Variants in NUP35 observed in about 807,000 individuals in gnomAD.
NUP35 encodes nucleoporin 35.
A neutral mutation model predicts 41.5 loss-of-function variants in NUP35; 25 were observed. The ratio of observed to expected loss-of-function variants is 0.60; its 90% CI spans 0.44 to 0.84. The LOEUF is 0.84. Ranked by LOEUF, NUP35 falls within the 40% of genes least tolerant of loss-of-function variation. The probability of loss-of-function intolerance (pLI) is 0.00; values close to 1 mark genes in which losing one functional copy is unlikely to be tolerated. For missense variants in NUP35, 396 were observed against 396.6 expected (o/e 1.00, Z 0.01); for synonymous variants, 149 against 130.7 (o/e 1.14, Z -0.96).
At chr2:183,144,476 G>T (rs72894558) in intron 4 of NUP35, among the ~76,000 whole-genome samples, 2 of 152,150 alleles carry the variant, frequency 1.3e-5, no homozygotes, top group South Asian at 2.1e-4. Context: ...CATTTGGCTC[G>T]TATCTATTTA....
intron 4 of NUP35, among the ~76,000 whole-genome samples, chr2:183,150,168 G>A (rs1685415150): frequency 6.6e-6 from 1 of 152,178 alleles, no homozygotes; most frequent in African/African-American, 2.4e-5. Flanking sequence ...GCCTCCCAAA[G>A]TGTTGGGATG....
intron 4 of NUP35, among the ~76,000 whole-genome samples, chr2:183,143,100 G>T (rs1685157166): frequency 6.7e-6 from 1 of 150,170 alleles, no homozygotes; most frequent in East Asian, 2.0e-4. Context: ...AGCTTGCAGT[G>T]AGCTGAGATC....
At chr2:183,125,476 G>A (rs922495553) in intron 1 of NUP35, among the ~76,000 whole-genome samples, 1 of 152,148 alleles carries the variant, frequency 6.6e-6, no homozygotes, top group Non-Finnish European at 1.5e-5. Flanking sequence ...GCCATGTTTG[G>A]TGTAAAATAA....
chr2:183,121,831 A>AAAAT (rs112143085), upstream of NUP35, among the ~76,000 whole-genome samples: 17 of 151,752 alleles, frequency 1.1e-4, no homozygotes, highest in East Asian at 1.9e-4. Context: ...ACTACATCTC[A>AAAAT]AAATAAATAA....
chr2:183,123,853 A>G (rs1361147745), upstream of NUP35: 1 of 980,524 alleles, frequency 1.0e-6, no homozygotes, highest in East Asian at 1.1e-4. Flanking sequence ...TCCATTATTT[A>G]CATGTGTACT....
intron 1 of NUP35, among the ~76,000 whole-genome samples, chr2:183,126,516 ATCT>A (rs1684494963): frequency 6.6e-6 from 1 of 152,166 alleles, no homozygotes; most frequent in Non-Finnish European, 1.5e-5. Flanking sequence ...ATTTTAGTGG[ATCT>A]TCTTACGAAA....
intron 4 of NUP35, among the ~76,000 whole-genome samples, chr2:183,141,759 T>C (rs913548933): frequency 3.3e-5 from 5 of 152,230 alleles, no homozygotes; most frequent in African/African-American, 9.6e-5. Flanking sequence ...AAGCACATTT[T>C]TCTTTGTTTT....
intron 4 of NUP35, among the ~76,000 whole-genome samples, chr2:183,140,804 C>T (rs541297817): frequency 3.6e-4 from 45 of 125,848 alleles, no homozygotes; most frequent in East Asian, 1.3e-3. Flanking sequence ...GCCTGGGCAA[C>T]GAGAGCAAAA....
chr2:183,126,312 C>A (rs2254866), intron 1 of NUP35, among the ~76,000 whole-genome samples: 64,189 of 152,068 alleles, frequency 0.42, 15,814 homozygotes, highest in African/African-American at 0.68. Context: ...TAGAGGCTTG[C>A]GCCTTCTACT....
At chr2:183,121,262 C>G (rs963274035), upstream of NUP35, among the ~76,000 whole-genome samples, 2 of 151,282 alleles carry the variant, frequency 1.3e-5, no homozygotes, top group African/African-American at 4.9e-5. Context: ...TACACAGGAG[C>G]CAATCTGCAA....
intron 1 of NUP35, 51 bp downstream of exon 1, chr2:183,124,548 C>T (rs764799271): frequency 1.2e-6 from 2 of 1,609,814 alleles, no homozygotes; most frequent in African/African-American, 1.3e-5. Flanking sequence ...ATGCTCTGGG[C>T]CTGGAGGCGG....
rs934026552 is a variant in NUP35 at position 183,158,492 on chromosome 2, C to T, written c.738+81C>T. ...CAAGGATTGAAATTGGTCGTTGTGT[C>T]ACTTGGTTTCACTGTGTCTGTTTTT... On this transcript the variant is annotated intron_variant, in intron 7 of 8. Transcript: ENST00000295119. 6.6e-6 allele frequency: 8 copies of T among 1,211,802 alleles called. No homozygotes were observed. In the African/African-American group the frequency reaches 7.7e-5, roughly 12 times the overall value. 75.1% of individuals were successfully genotyped at this position (1,211,802 alleles called of 1,614,324 possible). A position where few individuals can be genotyped will look rare whatever the true frequency, so the allele number is the denominator to read the frequency against.
intron 5 of NUP35, among the ~76,000 whole-genome samples, chr2:183,156,007 C>G (rs531398363): frequency 6.6e-6 from 1 of 152,196 alleles, no homozygotes; most frequent in South Asian, 2.1e-4. Flanking sequence ...CTAAAGGATG[C>G]ATTATATATG....
chr2:183,133,682 C>A, intron 4 of NUP35, 59 bp downstream of exon 4: 1 of 1,240,654 alleles, frequency 8.1e-7, no homozygotes. Context: ...CTCTGCTACC[C>A]ACGCTGGAGT....
At chr2:183,129,080 A>G (rs1684603451) in intron 2 of NUP35, among the ~76,000 whole-genome samples, 1 of 152,240 alleles carries the variant, frequency 6.6e-6, no homozygotes. Flanking sequence ...AACTGAATTC[A>G]TTTAAAGTAA....
intron 5 of NUP35, among the ~76,000 whole-genome samples, chr2:183,155,779 C>T (rs1339289598): frequency 6.6e-6 from 1 of 152,074 alleles, no homozygotes; most frequent in East Asian, 1.9e-4. Flanking sequence ...GTTTTTCAGG[C>T]TCAGTAGTAG....
Position 183,161,353 on chromosome 2 carries a change from T to C in NUP35, c.*222T>C, listed in dbSNP as rs1036697862. ...AAACTAAAAATCCCTGTAAATAGGA[T>C]TTTGTGCTTTCTGTAACAGTGCATG... On this transcript the variant is annotated 3_prime_UTR_variant, in exon 9 of 9. Coordinates refer to ENST00000295119, the MANE Select transcript of NUP35 (RefSeq NM_138285.5). 1.2e-4 allele frequency: 41 copies of C among 355,056 alleles called. No homozygotes were observed. The highest frequency in any genetic ancestry group is 2.0e-4 in the Non-Finnish European group (38 of 190,576). The allele number at this position is 355,056 out of a possible 1,614,324, so 22.0% of individuals were successfully genotyped here. A position where few individuals can be genotyped will look rare whatever the true frequency, so the allele number is the denominator to read the frequency against.
At chr2:183,131,351 TG>T (rs1157993775) in intron 3 of NUP35, 2 of 152,966 alleles carry the variant, frequency 1.3e-5, no homozygotes, top group African/African-American at 4.8e-5. Context: ...TCAGTTAAGT[TG>T]GTAAGTTCTT....
intron 1 of NUP35, among the ~76,000 whole-genome samples, chr2:183,125,725 C>G (rs775721464): frequency 2.0e-5 from 3 of 152,148 alleles, no homozygotes; most frequent in Non-Finnish European, 2.9e-5. Context: ...GTAAACCAAT[C>G]CCTGTATATT....
Sources: allele counts gnomAD v4.1 joint callset (sites outside exome capture counted in the v4.1 genomes callset), GRCh38; gene constraint gnomAD v4.1.1; transcripts MANE v1.5; gene names NCBI Gene and HGNC (gene_info 2026-07-23, HGNC 2026-07-21).